Variants in LRP1B observed in about 807,000 individuals in gnomAD.
LRP1B encodes low-density lipoprotein receptor-related protein 1B.
LRP1B carries 217 observed loss-of-function variants against 556.6 expected under a neutral mutation model. The ratio of observed to expected loss-of-function variants is 0.39; its 90% confidence interval spans 0.35 to 0.44. The LOEUF (loss-of-function observed/expected upper bound fraction) is 0.44. LRP1B is among the 20% of genes least tolerant of loss of function. The pLI, the probability that LRP1B is intolerant of heterozygous loss-of-function variation, is 1.00. For missense variants in LRP1B, 5,053 were observed against 5,620.8 expected (o/e 0.90, Z 3.23); for synonymous variants, 2,047 against 1,865.8 (o/e 1.10, Z -2.50).
chr2:141,646,027 T>C (rs1248158769), intron 2 of LRP1B, among the ~76,000 whole-genome samples: 1 of 152,126 alleles, frequency 6.6e-6, no homozygotes, highest in South Asian at 2.1e-4. Flanking sequence ...GCATTCTACA[T>C]ACTTCATGTC....
rs80065590 is a variant in LRP1B at position 140,352,574 on chromosome 2, T to G, written c.11650+379A>C. ...AACCTTTAAAATCCTTACTCAAAAT[T>G]CCTTTCTCCTTATAATGCTAATGTT... is the stretch of plus-strand genomic sequence containing the variant. On this transcript the variant is annotated intron_variant, in intron 76 of 90. Transcript: ENST00000389484. 5.1e-4 allele frequency among the ~76,000 whole-genome samples: 78 copies of G among 152,282 alleles called. No homozygotes were observed. The East Asian group carries it at 0.014, about 27-fold the overall frequency.
chr2:140,939,075 ACT>A (rs1196238575), intron 20 of LRP1B, among the ~76,000 whole-genome samples: 4 of 151,950 alleles, frequency 2.6e-5, no homozygotes, highest in Non-Finnish European at 5.9e-5. Flanking sequence ...ATAACACTAA[ACT>A]CTGTGATCTG....
intron 3 of LRP1B, among the ~76,000 whole-genome samples, chr2:141,467,341 C>A (rs1011837458): frequency 6.6e-6 from 1 of 151,818 alleles, no homozygotes; most frequent in Non-Finnish European, 1.5e-5. Context: ...GAAAGAAAAG[C>A]ATGATGAAGT....
intron 47 of LRP1B, 55 bp downstream of exon 47, chr2:140,533,966 G>C: frequency 8.8e-6 from 14 of 1,599,218 alleles, no homozygotes; most frequent in Non-Finnish European, 1.1e-5. Flanking sequence ...TGTTGGAAAA[G>C]TTCAGGAAAC....
intron 37 of LRP1B, among the ~76,000 whole-genome samples, chr2:140,708,535 T>C (rs1686921383): frequency 6.6e-6 from 1 of 150,878 alleles, no homozygotes; most frequent in South Asian, 2.1e-4. Flanking sequence ...TATATAATAT[T>C]TCATAGCACA....
chr2:141,054,791 G>A (rs1699131697), intron 10 of LRP1B, among the ~76,000 whole-genome samples: 1 of 151,886 alleles, frequency 6.6e-6, no homozygotes, highest in African/African-American at 2.4e-5. Context: ...TCAAATAAGA[G>A]GAAATCTGAT....
chr2:141,132,831 T>C (rs1320645308), intron 7 of LRP1B, among the ~76,000 whole-genome samples: 1 of 152,052 alleles, frequency 6.6e-6, no homozygotes, highest in Non-Finnish European at 1.5e-5. Context: ...GTATAGCTTT[T>C]TATATTTTTT....
chr2:140,469,864 G>A (rs1687693504), intron 60 of LRP1B, among the ~76,000 whole-genome samples: 1 of 152,178 alleles, frequency 6.6e-6, no homozygotes, highest in Non-Finnish European at 1.5e-5. Context: ...CTAGCTCTGT[G>A]ACTTTGGACA....
At chr2:141,270,377 AT>A (rs1685044344) in intron 3 of LRP1B, among the ~76,000 whole-genome samples, 1 of 152,104 alleles carries the variant, frequency 6.6e-6, no homozygotes, top group Non-Finnish European at 1.5e-5. Flanking sequence ...TGCAGCCACT[AT>A]GGAAAACAAA....
Position 140,504,846 on chromosome 2 carries a change from A to G in LRP1B, c.8522-1743T>C, listed in dbSNP as rs1356208963. Among the ~76,000 whole-genome samples the G allele has an allele frequency of 5.3e-5, 8 of 152,204 alleles. No individual in the cohort carries two copies. The East Asian group carries it at 1.4e-3, about 26-fold the overall frequency. ...ATCAGAACTATCACAATAACCCCCT[A>G]ACTAGTTTATTTCCCTCTATGGCTC... On this transcript the variant is annotated intron_variant, in intron 53 of 90. Coordinates refer to ENST00000389484, the MANE Select transcript of LRP1B (RefSeq NM_018557.3).
At chr2:140,714,083 T>G (rs147491972) in intron 37 of LRP1B, among the ~76,000 whole-genome samples, 2,546 of 152,282 alleles carry the variant, frequency 0.017, 91 homozygotes, top group Admixed American at 0.072. Context: ...TTCCTTTAAC[T>G]GAAATGTGTA....
In LRP1B at chr2:140,784,376, C is replaced by CACACACACA. The variant is rs1689816913; in HGVS notation, c.5360-8139_5360-8138insTGTGTGTGT. 7.1e-5 allele frequency among the ~76,000 whole-genome samples: 9 copies of CACACACACA among 126,690 alleles called. No homozygotes were observed. The East Asian group carries it at 1.0e-3, about 15-fold the overall frequency. The allele number at this position is 126,690 out of a possible 152,430, so 83.1% of individuals were successfully genotyped here. ...AAGAGATAATTGGAGGATTCTGCCT[C>CACACACACA]CACACACACACACACACACACACAC... is the stretch of plus-strand genomic sequence containing the variant. On this transcript the variant is annotated intron_variant, in intron 32 of 90. Transcript: ENST00000389484.
intron 84 of LRP1B, among the ~76,000 whole-genome samples, chr2:140,280,724 T>G (rs1164967540): frequency 2.0e-5 from 3 of 151,828 alleles, no homozygotes; most frequent in African/African-American, 7.2e-5. Flanking sequence ...AGTAATGTCT[T>G]CCTTCCTATT....
rs149830201 is a variant in LRP1B, at chr2:141,279,381, T to C, written c.344-24740A>G. ...GTCTTACAGTAAATCCTTTTGGTTC[T>C]ATGGATTTTTGATACTTGGAAAAGT... On this transcript the variant is annotated intron_variant, in intron 3 of 90. Coordinates refer to ENST00000389484, the MANE Select transcript of LRP1B (RefSeq NM_018557.3). Among the ~76,000 whole-genome samples, 129 of 152,178 alleles carry C rather than the reference T, an allele frequency of 8.5e-4. 1 individual carries two copies. The highest frequency in any genetic ancestry group is 2.5e-3 in the Admixed American group (38 of 15,284).
intron 1 of LRP1B, among the ~76,000 whole-genome samples, chr2:141,939,777 G>A (rs1700742119): frequency 6.6e-6 from 1 of 152,002 alleles, no homozygotes; most frequent in South Asian, 2.1e-4. Flanking sequence ...AATCAGCATT[G>A]TTAGGTGGAT....
rs113549099 is a variant in LRP1B at position 141,413,633 on chromosome 2, T to C, written c.343+66763A>G. 9.1e-3 allele frequency among the ~76,000 whole-genome samples: 1,382 copies of C among 152,264 alleles called. 27 individuals are homozygous for C. Among genetic ancestry groups the C allele is most frequent in the African/African-American group, 0.031 (1,305 of 41,550 alleles). On this transcript the variant is annotated intron_variant, in intron 3 of 90. Transcript: ENST00000389484. ...GCAATAGAAAACATGCAGGATTGGTTGCATGCAGTGACTCCCACCTGTAAT... is the reference window on the plus strand; with the variant it reads ...GCAATAGAAAACATGCAGGATTGGTCGCATGCAGTGACTCCCACCTGTAAT...
intron 2 of LRP1B, among the ~76,000 whole-genome samples, chr2:141,649,610 A>G (rs970809996): frequency 1.3e-5 from 2 of 152,188 alleles, no homozygotes; most frequent in African/African-American, 4.8e-5. Context: ...TTCTACTTCC[A>G]TAGCTAGCTC....
At chr2:141,407,070 A>T (rs1690670906) in intron 3 of LRP1B, among the ~76,000 whole-genome samples, 1 of 152,164 alleles carries the variant, frequency 6.6e-6, no homozygotes, top group Admixed American at 6.5e-5. Flanking sequence ...AGATAATTTG[A>T]GGTGAGATTT....
intron 2 of LRP1B, among the ~76,000 whole-genome samples, chr2:141,502,730 G>A (rs576546262): frequency 5.3e-5 from 8 of 151,946 alleles, no homozygotes; most frequent in South Asian, 2.1e-4. Flanking sequence ...ATGGTGCCAC[G>A]TTCCTGTAGT....
Sources: allele counts gnomAD v4.1 joint callset (sites outside exome capture counted in the v4.1 genomes callset), GRCh38; gene constraint gnomAD v4.1.1; transcripts MANE v1.5; gene names NCBI Gene and HGNC (gene_info 2026-07-23, HGNC 2026-07-21).